EXOC6: variants seen among roughly 807,000 people sequenced by gnomAD.
EXOC6 encodes exocyst complex component 6, also known as SEC15-like 1.
In EXOC6, 60 loss-of-function variants were observed where a neutral mutation model predicts 112.5. That is an observed-to-expected ratio of 0.53 (90% CI 0.43 to 0.66). The LOEUF is 0.66. Ranked by LOEUF, EXOC6 falls within the 30% of genes least tolerant of loss-of-function variation. The pLI is 0.00. For missense variants in EXOC6, 855 were observed against 957.1 expected, an observed-to-expected ratio of 0.89 and a Z score of 1.41; for synonymous variants, 295 against 308.0, an observed-to-expected ratio of 0.96 and a Z score of 0.44.
intron 6 of EXOC6, among the ~76,000 whole-genome samples, chr10:92,913,174 C>A (rs538589966): frequency 6.6e-6 from 1 of 152,292 alleles, no homozygotes; most frequent in African/African-American, 2.4e-5. Flanking sequence ...GTAGTGTCTC[C>A]TGTTTCCACA....
intron 17 of EXOC6, among the ~76,000 whole-genome samples, chr10:92,958,169 C>T (rs1853795201): frequency 6.6e-6 from 1 of 152,120 alleles, no homozygotes; most frequent in Non-Finnish European, 1.5e-5. Flanking sequence ...TAGTTCCTAC[C>T]CTCAAGCAGT....
At chr10:92,913,648 C>G (rs1230925760) in intron 6 of EXOC6, among the ~76,000 whole-genome samples, 1 of 152,200 alleles carries the variant, frequency 6.6e-6, no homozygotes, top group Non-Finnish European at 1.5e-5. Flanking sequence ...CTGCCATCAC[C>G]CATTACACTA....
intron 7 of EXOC6, among the ~76,000 whole-genome samples, chr10:92,919,415 A>G (rs1396922282): frequency 1.3e-5 from 2 of 152,320 alleles, no homozygotes; most frequent in South Asian, 2.1e-4. Flanking sequence ...ATAGTACTAC[A>G]TTTCATCAAT....
chr10:92,834,858 T>C (rs1376567933), intron 1 of EXOC6: 3 of 1,353,170 alleles, frequency 2.2e-6, no homozygotes. Context: ...GTGTCTTCTT[T>C]AGCGGTGATA....
At chr10:92,976,439 C>T (rs1842611857) in intron 18 of EXOC6, among the ~76,000 whole-genome samples, 1 of 151,866 alleles carries the variant, frequency 6.6e-6, no homozygotes, top group Non-Finnish European at 1.5e-5. Flanking sequence ...GCAAGATGTG[C>T]TTTGTTAAAC....
chr10:92,869,391 C>G (rs1427564434), intron 1 of EXOC6, among the ~76,000 whole-genome samples: 2 of 151,928 alleles, frequency 1.3e-5, no homozygotes, highest in Non-Finnish European at 2.9e-5. Context: ...TAGCTGTAAC[C>G]TCAAATTCCT....
chr10:92,928,345 G>A lies in EXOC6; in HGVS notation c.895G>A (p.Glu299Lys), dbSNP rs748497465. Reference sequence around the variant, plus strand: ...TCTGCTGATTTTATTTTAGGGTGACGAGGAAACATTTGAAAACTATTATCG... The same window carrying A: ...TCTGCTGATTTTATTTTAGGGTGACAAGGAAACATTTGAAAACTATTATCG... ...CLHIYSVLGD[E>K]ETFENYYRKQ... is the part of the protein sequence containing the mutation. The change falls in exon 9 of 22, where the codon GAG (glutamate) becomes AAG (lysine). Residue 299 changes from glutamate to lysine, a missense_variant. Coordinates refer to ENST00000260762, the MANE Select transcript of EXOC6 (RefSeq NM_019053.6). 2 of 1,602,456 alleles carry A rather than the reference G, an allele frequency of 1.2e-6. No individual in the cohort carries two copies. The highest frequency in any genetic ancestry group is 1.7e-5 in the Admixed American group (1 of 59,184).
At chr10:92,873,354 A>G (rs777504471) in intron 1 of EXOC6, among the ~76,000 whole-genome samples, 3 of 152,224 alleles carry the variant, frequency 2.0e-5, no homozygotes, top group Non-Finnish European at 2.9e-5. Context: ...AACACTAGTT[A>G]TAGGAGGCAA....
chr10:92,869,969 T>G (rs1345092813), intron 1 of EXOC6, among the ~76,000 whole-genome samples: 1 of 134,808 alleles, frequency 7.4e-6, no homozygotes, highest in East Asian at 2.8e-4. Flanking sequence ...TTTTTTTTTT[T>G]GAGATAGAGT....
At chr10:92,900,117 G>A (rs887024039) in intron 5 of EXOC6, 3 of 152,644 alleles carry the variant, frequency 2.0e-5, no homozygotes, top group African/African-American at 7.2e-5. Context: ...ATATAGTGAT[G>A]TTTAAAATAT....
chr10:92,887,152 C>G (rs1849259285), intron 1 of EXOC6, among the ~76,000 whole-genome samples: 1 of 152,080 alleles, frequency 6.6e-6, no homozygotes, highest in Non-Finnish European at 1.5e-5. Context: ...GAGAGAAGGT[C>G]CATAAGTTCT....
chr10:93,027,324 C>T (rs1386048795), intron 20 of EXOC6, among the ~76,000 whole-genome samples: 2 of 152,208 alleles, frequency 1.3e-5, no homozygotes, highest in East Asian at 1.9e-4. Flanking sequence ...CAAGATGAAG[C>T]AGCAAGTGCT....
intron 20 of EXOC6, among the ~76,000 whole-genome samples, chr10:93,054,292 T>C (rs1191238117): frequency 2.0e-5 from 3 of 152,220 alleles, no homozygotes; most frequent in African/African-American, 7.2e-5. Flanking sequence ...GGGGAGTCAA[T>C]ATATGTTGAA....
chr10:93,031,577 A>G (rs1276629074), intron 20 of EXOC6, among the ~76,000 whole-genome samples: 2 of 147,260 alleles, frequency 1.4e-5, no homozygotes, highest in African/African-American at 2.5e-5. Context: ...CAGTGGCGCA[A>G]TCTCAGCTCA....
intron 19 of EXOC6, among the ~76,000 whole-genome samples, chr10:93,004,819 C>T (rs1843904197): frequency 6.6e-6 from 1 of 152,134 alleles, no homozygotes; most frequent in Admixed American, 6.6e-5. Flanking sequence ...CCTGGCTTTG[C>T]CTCTAACTTG....
chr10:93,021,694 A>G (rs1844801521), intron 20 of EXOC6, among the ~76,000 whole-genome samples: 1 of 152,234 alleles, frequency 6.6e-6, no homozygotes, highest in Non-Finnish European at 1.5e-5. Flanking sequence ...AGTTAGTTTA[A>G]GGTCACTTAG....
At chr10:92,912,343 G>A (rs917170277) in intron 6 of EXOC6, among the ~76,000 whole-genome samples, 1 of 152,022 alleles carries the variant, frequency 6.6e-6, no homozygotes, top group African/African-American at 2.4e-5. Flanking sequence ...GTTCCCAGGC[G>A]GATCAGCAGG....
chr10:92,891,670 C>T (rs1463418406), intron 1 of EXOC6, among the ~76,000 whole-genome samples: 2 of 152,026 alleles, frequency 1.3e-5, no homozygotes, highest in African/African-American at 4.8e-5. Context: ...TTAGTAGAGA[C>T]AGTGTTTCAC....
chr10:92,927,057 G>A (rs1290671263), intron 8 of EXOC6, among the ~76,000 whole-genome samples: 1 of 152,074 alleles, frequency 6.6e-6, no homozygotes, highest in African/African-American at 2.4e-5. Context: ...TTTCGTATAG[G>A]ATACCTAGGT....
Sources: allele counts gnomAD v4.1 joint callset (sites outside exome capture counted in the v4.1 genomes callset), GRCh38; gene constraint gnomAD v4.1.1; transcripts MANE v1.5; gene names NCBI Gene and HGNC (gene_info 2026-07-23, HGNC 2026-07-21).